ZNF385D: variants seen among roughly 807,000 people sequenced by gnomAD.
The protein encoded by ZNF385D is zinc finger protein 659.
In ZNF385D, 15 loss-of-function variants were observed where a neutral mutation model predicts 35.8. That is an observed-to-expected ratio of 0.42 (90% confidence interval 0.28 to 0.64). The LOEUF is 0.64. ZNF385D is among the 30% of genes least tolerant of loss of function. The pLI is 0.23. For missense variants in ZNF385D, 474 were observed against 494.6 expected (o/e 0.96, Z 0.39); for synonymous variants, 212 against 186.8 (o/e 1.13, Z -1.10).
intron 2 of ZNF385D, among the ~76,000 whole-genome samples, chr3:22,180,795 C>A (rs1695190434): frequency 6.6e-6 from 1 of 151,960 alleles, no homozygotes; most frequent in African/African-American, 2.4e-5. Flanking sequence ...TCAAAATAAT[C>A]AGAGCTATCT....
chr3:22,154,474 C>G (rs544959928), intron 3 of ZNF385D, among the ~76,000 whole-genome samples: 2 of 152,198 alleles, frequency 1.3e-5, no homozygotes, highest in Non-Finnish European at 2.9e-5. Flanking sequence ...AATTCCTCCT[C>G]TCTGCCAGAA....
At chr3:21,712,179 C>T (rs183967490) in intron 1 of ZNF385D, among the ~76,000 whole-genome samples, 2 of 152,140 alleles carry the variant, frequency 1.3e-5, no homozygotes, top group South Asian at 4.1e-4. Flanking sequence ...TTACTATGGT[C>T]TTTCTGCCCT....
intron 2 of ZNF385D, among the ~76,000 whole-genome samples, chr3:22,372,122 C>A (rs1696936736): frequency 6.6e-6 from 1 of 152,110 alleles, no homozygotes; most frequent in African/African-American, 2.4e-5. Flanking sequence ...TGACCTCGCC[C>A]CCCCGCCTCG....
chr3:21,969,814 G>A (rs1473213646), intron 3 of ZNF385D, among the ~76,000 whole-genome samples: 1 of 152,124 alleles, frequency 6.6e-6, no homozygotes, highest in Admixed American at 6.5e-5. Context: ...GTGGCTTCAG[G>A]GGTGCCTGTG....
chr3:21,644,692 C>A (rs1359714289), intron 2 of ZNF385D, among the ~76,000 whole-genome samples: 1 of 152,030 alleles, frequency 6.6e-6, no homozygotes, highest in Non-Finnish European at 1.5e-5. Flanking sequence ...ACAATACATA[C>A]AACGGAGGCT....
At chr3:22,191,543 C>A (rs1696030989) in intron 2 of ZNF385D, among the ~76,000 whole-genome samples, 1 of 150,348 alleles carries the variant, frequency 6.7e-6, no homozygotes, top group African/African-American at 2.4e-5. Flanking sequence ...AGAGGTGTTA[C>A]TAGAGCATAT....
chr3:22,359,072 A>T (rs1696289486), intron 2 of ZNF385D, among the ~76,000 whole-genome samples: 4 of 142,146 alleles, frequency 2.8e-5, no homozygotes, highest in Admixed American at 2.8e-4. Flanking sequence ...AAACAAAAAA[A>T]CCAAAAAAAA....
In ZNF385D at chr3:21,423,943, T is replaced by G; in HGVS notation, c.954+20A>C. The G allele has an allele frequency of 6.2e-7, 1 of 1,601,402 alleles. No homozygotes were observed. On this transcript the variant is annotated intron_variant, in intron 7 of 7. Coordinates refer to ENST00000281523, the MANE Select transcript of ZNF385D (RefSeq NM_024697.3). Reference sequence around the variant, plus strand: ...TTCCATTTGGGAATAGAGGCTGGACTCTTGCAAAATGACACTCACCCCCAG... The same window carrying G: ...TTCCATTTGGGAATAGAGGCTGGACGCTTGCAAAATGACACTCACCCCCAG...
At chr3:22,062,357 G>C (rs901008036) in intron 3 of ZNF385D, among the ~76,000 whole-genome samples, 1 of 152,090 alleles carries the variant, frequency 6.6e-6, no homozygotes, top group African/African-American at 2.4e-5. Context: ...CGCCCAGCCT[G>C]TTGGTACATT....
chr3:22,031,093 T>C (rs1697970509), intron 3 of ZNF385D, among the ~76,000 whole-genome samples: 1 of 152,248 alleles, frequency 6.6e-6, no homozygotes. Context: ...GCTCTGCCCC[T>C]GTGGCTTTGC....
intron 3 of ZNF385D, among the ~76,000 whole-genome samples, chr3:22,165,041 T>C (rs552344141): frequency 6.6e-6 from 1 of 152,278 alleles, no homozygotes; most frequent in South Asian, 2.1e-4. Flanking sequence ...AGAGGACTTT[T>C]AGGGCAGCAA....
chr3:22,257,691 C>A (rs1329612886), intron 2 of ZNF385D, among the ~76,000 whole-genome samples: 2 of 151,848 alleles, frequency 1.3e-5, no homozygotes, highest in Non-Finnish European at 2.9e-5. Flanking sequence ...CTTCCCTCCA[C>A]AATGCCTTTT....
At chr3:21,758,547 A>C (rs1288614500) in intron 3 of ZNF385D, among the ~76,000 whole-genome samples, 1 of 152,154 alleles carries the variant, frequency 6.6e-6, no homozygotes, top group Non-Finnish European at 1.5e-5. Flanking sequence ...TGAGGAACCT[A>C]ATATGGGAGC....
chr3:21,572,301 TAC>T (rs1218483705), intron 2 of ZNF385D, among the ~76,000 whole-genome samples: 1 of 152,228 alleles, frequency 6.6e-6, no homozygotes, highest in African/African-American at 2.4e-5. Context: ...CATAATTTTA[TAC>T]AGTTGTAAGC....
chr3:21,424,317 A>ATATATATTTATATATATATATATATTTT (rs1221923155), intron 6 of ZNF385D, among the ~76,000 whole-genome samples: 1 of 63,810 alleles, frequency 1.6e-5, no homozygotes, highest in Non-Finnish European at 2.7e-5. Context: ...ATATATATAT[A>ATATATATTTATATATATATATATATTTT]TTTTTTTTTT....
chr3:22,094,385 G>GAGAGAT (rs1491256865), intron 3 of ZNF385D, among the ~76,000 whole-genome samples: 1 of 70,828 alleles, frequency 1.4e-5, no homozygotes, highest in African/African-American at 4.3e-5. Context: ...ATTTATTGTT[G>GAGAGAT]ATATATATAT....
At chr3:22,047,155 T>A (rs1699052861) in intron 3 of ZNF385D, among the ~76,000 whole-genome samples, 1 of 152,108 alleles carries the variant, frequency 6.6e-6, no homozygotes. Context: ...GTGCACAACA[T>A]GATGTTCTGA....
intron 3 of ZNF385D, among the ~76,000 whole-genome samples, chr3:21,866,215 G>A (rs1167165671): frequency 6.6e-6 from 1 of 152,036 alleles, no homozygotes; most frequent in Non-Finnish European, 1.5e-5. Context: ...CACTTTGAGA[G>A]GCCGAGGCAG....
rs146748973 is a variant in ZNF385D, at chr3:21,678,142, A to C, written c.23-13114T>G. On this transcript the variant is annotated intron_variant, in intron 1 of 7. Coordinates refer to ENST00000281523, the MANE Select transcript of ZNF385D (RefSeq NM_024697.3). ...TCCAAACCTCTCTGTAAGTCTTGGA[A>C]GACAGACAATAGAATAATGCTGACA... Among the ~76,000 whole-genome samples, 5 of 152,230 alleles carry C rather than the reference A, an allele frequency of 3.3e-5. No individual in the cohort carries two copies. In the East Asian group the frequency reaches 7.7e-4, roughly 24 times the overall value.
Sources: allele counts gnomAD v4.1 joint callset (sites outside exome capture counted in the v4.1 genomes callset), GRCh38; gene constraint gnomAD v4.1.1; transcripts MANE v1.5; gene names NCBI Gene and HGNC (gene_info 2026-07-23, HGNC 2026-07-21).